MTA3: variants seen among roughly 807,000 people sequenced by gnomAD.
The protein encoded by MTA3 is metastasis-associated protein MTA3.
A neutral mutation model predicts 83.5 loss-of-function variants in MTA3; 34 were observed. That is an observed-to-expected ratio of 0.41 (90% confidence interval 0.31 to 0.54). The LOEUF (loss-of-function observed/expected upper bound fraction) is 0.54. Among genes scored for constraint, MTA3 ranks in the 20% least tolerant of loss-of-function variants. The pLI is 0.33. For synonymous variants in MTA3, 303 were observed against 252.7 expected (o/e 1.20, Z -1.89); for missense variants, 761 against 726.4 (o/e 1.05, Z -0.55).
chr2:42,578,546 C>G (rs1679291143), intron 2 of MTA3, among the ~76,000 whole-genome samples: 2 of 152,166 alleles, frequency 1.3e-5, no homozygotes, highest in African/African-American at 2.4e-5. Flanking sequence ...GTAGAGAATG[C>G]TTTTCCAGGT....
At chr2:42,512,460 A>G (rs920626839) in intron 2 of MTA3, among the ~76,000 whole-genome samples, 2 of 152,104 alleles carry the variant, frequency 1.3e-5, no homozygotes, top group South Asian at 4.1e-4. Flanking sequence ...ATTTGCTAGT[A>G]CTCTATGTCT....
At chr2:42,563,158 C>G (rs950789119) in intron 2 of MTA3, among the ~76,000 whole-genome samples, 5 of 152,162 alleles carry the variant, frequency 3.3e-5, no homozygotes, top group African/African-American at 1.2e-4. Context: ...AATCCACTCT[C>G]TGTACTGCAG....
At chr2:42,744,540 C>G (rs1189030727) in intron 16 of MTA3, among the ~76,000 whole-genome samples, 1 of 152,160 alleles carries the variant, frequency 6.6e-6, no homozygotes. Context: ...CTCTGTTCCC[C>G]TTTCCCCCAT....
chr2:42,608,791 C>G (rs530582826), intron 3 of MTA3, among the ~76,000 whole-genome samples: 1 of 151,942 alleles, frequency 6.6e-6, no homozygotes, highest in Admixed American at 6.6e-5. Context: ...GGCTAAGGCA[C>G]AAGAATTGCT....
At chr2:42,552,285 G>A (rs999241765) in intron 2 of MTA3, among the ~76,000 whole-genome samples, 1 of 152,188 alleles carries the variant, frequency 6.6e-6, no homozygotes, top group Non-Finnish European at 1.5e-5. Context: ...CAGCCGAGAA[G>A]TAAGGGGAGA....
intron 2 of MTA3, among the ~76,000 whole-genome samples, chr2:42,550,724 G>A (rs1179599126): frequency 6.6e-6 from 1 of 152,098 alleles, no homozygotes; most frequent in African/African-American, 2.4e-5. Context: ...TGGAAGTACT[G>A]GTGGAGCAAT....
At chr2:42,659,260 ATTTCT>A (rs1221034263) in intron 7 of MTA3, among the ~76,000 whole-genome samples, 2 of 152,134 alleles carry the variant, frequency 1.3e-5, no homozygotes, top group Non-Finnish European at 2.9e-5. Context: ...CATTATGGTA[ATTTCT>A]TTTTAAATGA....
chr2:42,690,753 T>C (rs4953568), intron 9 of MTA3, among the ~76,000 whole-genome samples: 102,451 of 149,182 alleles, frequency 0.69, 37,013 homozygotes, highest in African/African-American at 0.91. Context: ...TGGCTCACTG[T>C]AGCTTCCGCC....
intron 3 of MTA3, among the ~76,000 whole-genome samples, chr2:42,600,902 C>T (rs959714762): frequency 1.6e-4 from 25 of 151,684 alleles, no homozygotes; most frequent in African/African-American, 5.6e-4. Flanking sequence ...GGATTTTTTT[C>T]TTTTTTCTTT....
At chr2:42,745,446 G>A (rs1669335872) in intron 16 of MTA3, among the ~76,000 whole-genome samples, 1 of 152,170 alleles carries the variant, frequency 6.6e-6, no homozygotes, top group South Asian at 2.1e-4. Context: ...CTCCTGGACT[G>A]GCCCTCTGAT....
At chr2:42,579,052 A>G in intron 2 of MTA3, 55 bp from the exon 3 acceptor site, 2 of 1,239,974 alleles carry the variant, frequency 1.6e-6, no homozygotes, top group Non-Finnish European at 2.3e-6. Context: ...TCGTTGTATA[A>G]ATTATTTGAC....
chr2:42,739,674 T>C (rs531585620), intron 16 of MTA3, among the ~76,000 whole-genome samples: 60 of 152,362 alleles, frequency 3.9e-4, no homozygotes, highest in African/African-American at 1.4e-3. Flanking sequence ...TGCTCTTTGA[T>C]AGTATTTTAC....
At chr2:42,496,720 C>T (rs1197920586) in intron 2 of MTA3, among the ~76,000 whole-genome samples, 1 of 152,042 alleles carries the variant, frequency 6.6e-6, no homozygotes, top group Non-Finnish European at 1.5e-5. Context: ...CAGCAGCATC[C>T]TGGCAGAGGC....
chr2:42,744,143 A>G (rs1669236493), intron 16 of MTA3, among the ~76,000 whole-genome samples: 1 of 152,132 alleles, frequency 6.6e-6, no homozygotes, highest in African/African-American at 2.4e-5. Context: ...GGAGTACCTT[A>G]TGTATTGAGA....
At chr2:42,637,225 T>C (rs1296671763) in intron 4 of MTA3, among the ~76,000 whole-genome samples, 1 of 152,226 alleles carries the variant, frequency 6.6e-6, no homozygotes, top group Non-Finnish European at 1.5e-5. Flanking sequence ...TGTACTCCTT[T>C]GTGGTTCTGT....
chr2:42,546,475 C>G (rs1046819471), intron 2 of MTA3, among the ~76,000 whole-genome samples: 2 of 150,538 alleles, frequency 1.3e-5, no homozygotes, highest in South Asian at 4.2e-4. Flanking sequence ...CCCCTGCCAT[C>G]TAACCTGGCA....
intron 4 of MTA3, among the ~76,000 whole-genome samples, chr2:42,621,815 G>A (rs1365957736): frequency 1.1e-4 from 16 of 151,974 alleles, no homozygotes; most frequent in Admixed American, 9.2e-4. Context: ...CCTCCCAGAC[G>A]GGGTCGTGGC....
chr2:42,656,366 A>G lies in MTA3; in HGVS notation c.602+64A>G, dbSNP rs1344690439. 3.1e-6 allele frequency: 3 copies of G among 980,640 alleles called. No individual in the cohort carries two copies. The East Asian group carries it at 8.4e-5, about 27-fold the overall frequency. 60.7% of individuals were successfully genotyped at this position (980,640 alleles called of 1,614,324 possible). On this transcript the variant is annotated intron_variant, in intron 7 of 16. Transcript: ENST00000405094. Reference sequence around the variant, plus strand: ...TTTATATAAAAGAATTTATAGGTATATGTATTTTTATTTCTTTGTATTCTG... The same window carrying G: ...TTTATATAAAAGAATTTATAGGTATGTGTATTTTTATTTCTTTGTATTCTG...
chr2:42,578,272 C>T (rs1041417465), intron 2 of MTA3, among the ~76,000 whole-genome samples: 3 of 152,162 alleles, frequency 2.0e-5, no homozygotes, highest in African/African-American at 4.8e-5. Flanking sequence ...GATTGACCTT[C>T]TTGAGAGCTC....
Sources: allele counts gnomAD v4.1 joint callset (sites outside exome capture counted in the v4.1 genomes callset), GRCh38; gene constraint gnomAD v4.1.1; transcripts MANE v1.5; gene names NCBI Gene and HGNC (gene_info 2026-07-23, HGNC 2026-07-21).